GPC5: variants seen among roughly 807,000 people sequenced by gnomAD.
GPC5 encodes glypican-5.
In GPC5, 47 loss-of-function variants were observed where a neutral mutation model predicts 53.9. The observed-to-expected ratio is 0.87, with a 90% CI of 0.69 to 1.11. The LOEUF is 1.11. Ranked by LOEUF, GPC5 falls within the 50% of genes most tolerant of loss-of-function variation. GPC5 has a pLI of 0.00. For synonymous variants in GPC5, 286 were observed against 263.3 expected (o/e 1.09, Z -0.84); for missense variants, 748 against 713.1 (o/e 1.05, Z -0.56).
chr13:92,829,961 C>G (rs980530787), intron 7 of GPC5, among the ~76,000 whole-genome samples: 3 of 152,034 alleles, frequency 2.0e-5, no homozygotes, highest in African/African-American at 7.2e-5. Flanking sequence ...TTGCAAGTTA[C>G]CATTTTTGGG....
chr13:92,195,019 G>GT (rs1296018676), intron 7 of GPC5, among the ~76,000 whole-genome samples: 1 of 152,172 alleles, frequency 6.6e-6, no homozygotes, highest in Non-Finnish European at 1.5e-5. Context: ...GATTTGTGGA[G>GT]TTTGTATTAC....
At chr13:91,755,736 G>A (rs1019405915) in intron 4 of GPC5, among the ~76,000 whole-genome samples, 1 of 151,948 alleles carries the variant, frequency 6.6e-6, no homozygotes, top group Non-Finnish European at 1.5e-5. Flanking sequence ...ACATGTCTGG[G>A]TTTTGGGTCA....
At chr13:91,616,786 T>A (rs959088635) in intron 2 of GPC5, among the ~76,000 whole-genome samples, 6 of 152,164 alleles carry the variant, frequency 3.9e-5, no homozygotes, top group Non-Finnish European at 8.8e-5. Context: ...ACATTAGTAT[T>A]ATGATTGGAT....
At position 92,407,238 on chromosome 13, in the gene GPC5, C is replaced by T. The variant is rs867986449; in HGVS notation, c.1561+262249C>T. Among the ~76,000 whole-genome samples, 5 of 152,156 alleles carry T rather than the reference C, an allele frequency of 3.3e-5. No homozygotes were observed. The South Asian group carries it at 8.3e-4, about 25-fold the overall frequency. On this transcript the variant is annotated intron_variant, in intron 7 of 7. Coordinates refer to ENST00000377067, the MANE Select transcript of GPC5 (RefSeq NM_004466.6). ...AAATTTATTAACAAAGATACATAAT[C>T]CAAATTATGTGTGAAAGAGGAAGAA... is the stretch of plus-strand genomic sequence containing the variant.
intron 6 of GPC5, among the ~76,000 whole-genome samples, chr13:92,070,243 A>G (rs1480847950): frequency 6.6e-6 from 1 of 152,242 alleles, no homozygotes; most frequent in Non-Finnish European, 1.5e-5. Flanking sequence ...AGTGTGGCTA[A>G]CAATCTGAAT....
At chr13:92,282,247 T>G (rs2042921400) in intron 7 of GPC5, among the ~76,000 whole-genome samples, 1 of 152,126 alleles carries the variant, frequency 6.6e-6, no homozygotes, top group South Asian at 2.1e-4. Flanking sequence ...TGGGACTATG[T>G]GAAAAGACCA....
At chr13:92,813,546 T>C (rs1296243025) in intron 7 of GPC5, among the ~76,000 whole-genome samples, 6 of 152,000 alleles carry the variant, frequency 3.9e-5, no homozygotes, top group Non-Finnish European at 1.5e-5. Flanking sequence ...TTTTTAGGAA[T>C]TGTTCAACAT....
At chr13:91,511,347 A>G (rs1885219539) in intron 2 of GPC5, among the ~76,000 whole-genome samples, 1 of 152,108 alleles carries the variant, frequency 6.6e-6, no homozygotes, top group African/African-American at 2.4e-5. Context: ...TGATAATTAT[A>G]TGTCCATTAT....
At chr13:92,039,251 T>C (rs1264158170) in intron 6 of GPC5, among the ~76,000 whole-genome samples, 1 of 152,198 alleles carries the variant, frequency 6.6e-6, no homozygotes, top group African/African-American at 2.4e-5. Context: ...TGTTTTCCGT[T>C]TTCTCTTTTA....
intron 5 of GPC5, among the ~76,000 whole-genome samples, chr13:91,769,282 A>C (rs1403014552): frequency 6.6e-6 from 1 of 152,176 alleles, no homozygotes; most frequent in Non-Finnish European, 1.5e-5. Flanking sequence ...CTCCAAGTCT[A>C]CTGGTTTAAG....
At chr13:91,743,609 A>C (rs1396625820) in intron 4 of GPC5, among the ~76,000 whole-genome samples, 1 of 152,184 alleles carries the variant, frequency 6.6e-6, no homozygotes, top group Non-Finnish European at 1.5e-5. Context: ...TTTGTATCCA[A>C]TGGCATGGAA....
intron 6 of GPC5, among the ~76,000 whole-genome samples, chr13:92,038,927 C>G (rs977724882): frequency 1.3e-5 from 2 of 152,058 alleles, no homozygotes; most frequent in Non-Finnish European, 2.9e-5. Flanking sequence ...GCAGAAAAAC[C>G]ATGTGTGTGT....
At chr13:91,972,278 A>G (rs997881035) in intron 6 of GPC5, among the ~76,000 whole-genome samples, 24 of 152,198 alleles carry the variant, frequency 1.6e-4, no homozygotes, top group Admixed American at 1.6e-3. Flanking sequence ...ATCAGAGACT[A>G]GGATTGCAAC....
At chr13:91,526,738 T>C (rs1180426306) in intron 2 of GPC5, among the ~76,000 whole-genome samples, 1 of 152,136 alleles carries the variant, frequency 6.6e-6, no homozygotes. Flanking sequence ...TGAGACTGGG[T>C]AATTTATGAA....
chr13:92,032,901 T>C (rs2040864048), intron 6 of GPC5, among the ~76,000 whole-genome samples: 1 of 152,174 alleles, frequency 6.6e-6, no homozygotes, highest in Non-Finnish European at 1.5e-5. Context: ...CATACACATC[T>C]ATCCAAGCAT....
At chr13:92,112,358 C>T (rs890794926) in intron 6 of GPC5, among the ~76,000 whole-genome samples, 1 of 151,794 alleles carries the variant, frequency 6.6e-6, no homozygotes, top group African/African-American at 2.4e-5. Context: ...GATGAGGAAT[C>T]GTATAGTAAG....
intron 1 of GPC5, among the ~76,000 whole-genome samples, chr13:91,433,600 A>T (rs989085839): frequency 4.6e-5 from 7 of 152,142 alleles, no homozygotes; most frequent in East Asian, 1.9e-4. Flanking sequence ...CAGTCTATCA[A>T]TGTTGGACAT....
chr13:92,431,608 TTGTC>T (rs1484212759), intron 7 of GPC5, among the ~76,000 whole-genome samples: 15 of 152,008 alleles, frequency 9.9e-5, no homozygotes, highest in African/African-American at 2.4e-4. Flanking sequence ...ATGAAATAGA[TTGTC>T]TGAGCAAAGA....
intron 6 of GPC5, among the ~76,000 whole-genome samples, chr13:92,109,074 T>G (rs184179417): frequency 6.8e-6 from 1 of 146,180 alleles, no homozygotes; most frequent in African/African-American, 2.5e-5. Context: ...TTTTTTTTTT[T>G]TTTTTTTTTT....
Sources: allele counts gnomAD v4.1 joint callset (sites outside exome capture counted in the v4.1 genomes callset), GRCh38; gene constraint gnomAD v4.1.1; transcripts MANE v1.5; gene names NCBI Gene and HGNC (gene_info 2026-07-23, HGNC 2026-07-21).